The following TKTL1 variants were observed in gnomAD, a reference collection of about 807,000 sequenced individuals.
TKTL1 encodes transketolase like 1, also known as transketolase-like protein 1.
In TKTL1, 1 loss-of-function variant was observed where a neutral mutation model predicts 39.3. That is an observed-to-expected ratio of 0.03 (90% confidence interval 0.01 to 0.12). TKTL1 has a LOEUF of 0.12. TKTL1 is among the 10% of genes least tolerant of loss of function. The pLI is 1.00. For synonymous variants in TKTL1, 262 were observed against 193.8 expected (o/e 1.35, Z -2.92); for missense variants, 575 against 509.6 (o/e 1.13, Z -1.24).
intron 7 of TKTL1, among the ~76,000 whole-genome samples, chrX:154,319,903 C>T (rs781969383): frequency 8.9e-6 from 1 of 111,966 alleles, no homozygotes; most frequent in African/African-American, 3.2e-5. Flanking sequence ...TAGTTTGAAG[C>T]CTTCTGGGGT....
chrX:154,328,545 CAAAAAAAAAAAAAAAAAAAAAAAAAAA>C (rs59136064), intron 12 of TKTL1, among the ~76,000 whole-genome samples: 169 of 15,316 alleles, frequency 0.011, 4 homozygotes, highest in Admixed American at 0.019. Context: ...GACTCTGCCT[CAAAAAAAAAAAAAAAAAAAAAAAAAAA>C]AAAAAAAAAA....
intron 9 of TKTL1, among the ~76,000 whole-genome samples, chrX:154,324,625 G>T (rs1339047287): frequency 9.0e-6 from 1 of 111,576 alleles, no homozygotes; most frequent in Non-Finnish European, 1.9e-5. Context: ...TCTGCTGGCG[G>T]AAGCGCTGCT....
intron 1 of TKTL1, among the ~76,000 whole-genome samples, chrX:154,303,039 C>G (rs1442938125): frequency 9.0e-6 from 1 of 110,879 alleles, no homozygotes; most frequent in African/African-American, 3.3e-5. Flanking sequence ...GGCAACTCAC[C>G]CTGGCAGGCT....
Position 154,311,186 on chromosome X carries a change from G to C in TKTL1, c.618G>C (p.Lys206Asn), listed in dbSNP as rs1214935929. The C allele has an allele frequency of 3.3e-6, 4 of 1,212,147 alleles. No individual in the cohort carries two copies. The highest frequency in any genetic ancestry group is 4.5e-6 in the Non-Finnish European group (4 of 895,607). Residue 206 changes from lysine to asparagine, a missense_variant, in exon 5 of 13, where the codon AAG becomes AAC. Transcript: ENST00000369915. ...TATTCTGGCAGGCTTCTCAGGTGAA[G>C]CACAAGCCCACTGCTGTGGTGGCCA... ...CQVFWQASQV[K>N]HKPTAVVAKT...
In TKTL1 at chrX:154,327,833, C is replaced by T. The variant is rs781897294; in HGVS notation, c.1499-6C>T. On this transcript the variant is annotated splice_region_variant and splice_polypyrimidine_tract_variant and intron_variant, in intron 11 of 12. Coordinates refer to ENST00000369915, the MANE Select transcript of TKTL1 (RefSeq NM_012253.4). ...TTGTACCAAGCTGGTTTTTGCTGTTCTGCAGATATTTTTATCCGTGTCATC... is the reference window on the plus strand; with the variant it reads ...TTGTACCAAGCTGGTTTTTGCTGTTTTGCAGATATTTTTATCCGTGTCATC... 1.6e-4 allele frequency: 192 copies of T among 1,209,719 alleles called. No individual in the cohort carries two copies. Among genetic ancestry groups the T allele is most frequent in the Middle Eastern group, 2.3e-4 (1 of 4,373 alleles).
chrX:154,296,617 A>G (rs1188793630), intron 1 of TKTL1, among the ~76,000 whole-genome samples: 2 of 111,536 alleles, frequency 1.8e-5, no homozygotes, highest in East Asian at 2.8e-4. Context: ...TGGTTTTTGC[A>G]TCAGTTTGAG....
chrX:154,298,776 C>T (rs967624929), intron 1 of TKTL1, among the ~76,000 whole-genome samples: 3 of 108,515 alleles, frequency 2.8e-5, no homozygotes, highest in Admixed American at 9.9e-5. Flanking sequence ...TTTTTTATTT[C>T]CTTTCTCCTG....
intron 12 of TKTL1, among the ~76,000 whole-genome samples, chrX:154,328,604 C>A: frequency 1.1e-5 from 1 of 87,081 alleles, no homozygotes; most frequent in African/African-American, 4.1e-5. Context: ...TGTGCCCCGA[C>A]GAAAGCAGGT....
In TKTL1 at chrX:154,295,864, C is replaced by T. The variant is rs782095901; in HGVS notation, c.5C>T (p.Ala2Val). 29 of 1,208,811 alleles carry T rather than the reference C, an allele frequency of 2.4e-5. 1 individual carries two copies. The highest frequency in any genetic ancestry group is 7.0e-5 in the African/African-American group (4 of 57,269). The change falls in exon 1 of 13, where the codon GCG becomes GTG. Residue 2 changes from alanine to valine, a missense_variant. Transcript: ENST00000369915. ...GACTCCAAAGGGGTTGGACTAATGG[C>T]GGATGCTGAGGCGAGGGCTGAGTTC... M[A>V]DAEARAEFPE... is the part of the protein sequence containing the mutation.
intron 7 of TKTL1, among the ~76,000 whole-genome samples, chrX:154,316,832 C>T (rs1331658235): frequency 1.9e-5 from 2 of 106,955 alleles, no homozygotes; most frequent in African/African-American, 3.4e-5. Flanking sequence ...TGCAGTGGCA[C>T]GATCACAGCT....
At chrX:154,315,036 T>G in intron 6 of TKTL1, 137 bp from the exon 7 acceptor site, 1 of 674,236 alleles carries the variant, frequency 1.5e-6, no homozygotes, top group Non-Finnish European at 2.2e-6. Flanking sequence ...TAAAGGAAAT[T>G]TTTGGTGAGT....
At chrX:154,315,455 T>G (rs1276879609) in intron 7 of TKTL1, 118 bp downstream of exon 7, 1 of 828,568 alleles carries the variant, frequency 1.2e-6, no homozygotes, top group Non-Finnish European at 1.7e-6. Context: ...GAAAAAAATT[T>G]CCTGGGAAGC....
chrX:154,304,358 C>T (rs782231570), intron 1 of TKTL1, among the ~76,000 whole-genome samples: 5 of 111,390 alleles, frequency 4.5e-5, no homozygotes, highest in African/African-American at 1.3e-4. Flanking sequence ...TGGGCTCTGC[C>T]ATCAGCACCC....
chrX:154,306,983 G>T (rs936346556), intron 2 of TKTL1, among the ~76,000 whole-genome samples: 4 of 110,952 alleles, frequency 3.6e-5, no homozygotes, highest in Non-Finnish European at 7.6e-5. Context: ...CGCAATATGG[G>T]TGTTTAGATT....
intron 8 of TKTL1, among the ~76,000 whole-genome samples, chrX:154,322,779 A>G (rs2067461935): frequency 1.8e-5 from 2 of 111,810 alleles, no homozygotes; most frequent in Admixed American, 1.9e-4. Context: ...GGCCTGGAGA[A>G]ATGAAAAAGA....
At chrX:154,299,344 G>A (rs929664058) in intron 1 of TKTL1, among the ~76,000 whole-genome samples, 50 of 107,687 alleles carry the variant, frequency 4.6e-4, no homozygotes, top group African/African-American at 1.7e-3. Flanking sequence ...TAGTAGAGAC[G>A]GTGTTTCTCC....
intron 5 of TKTL1, 49 bp from the exon 6 acceptor site, chrX:154,312,531 A>G: frequency 8.7e-7 from 1 of 1,152,036 alleles, no homozygotes; most frequent in Admixed American, 2.4e-5. Flanking sequence ...CCTCATAGGC[A>G]CTCACTAAAT....
In TKTL1 at chrX:154,329,596, C is replaced by T. The variant is rs782002162; in HGVS notation, c.1699C>T (p.Pro567Ser). Residue 567 changes from proline (P) to serine (S), a missense_variant, in exon 13 of 13, where the codon CCC (proline) becomes TCC (serine). By Grantham distance (74) the Pro-to-Ser change is moderately conservative (BLOSUM62 -1). Coordinates refer to ENST00000369915, the MANE Select transcript of TKTL1 (RefSeq NM_012253.4). Reference protein sequence around the residue: ...QVHSLAVSGVPQSGKSEELLD... With the variant: ...QVHSLAVSGVSQSGKSEELLD... ...TCATTCGCTGGCAGTGTCGGGAGTG[C>T]CCCAGAGTGGGAAGTCCGAGGAATT... 1 of 1,211,652 alleles carries T rather than the reference C, an allele frequency of 8.3e-7. No homozygotes were observed.
In TKTL1 at chrX:154,311,189, C is replaced by G. The variant is rs2067354768; in HGVS notation, c.621C>G (p.His207Gln). The G allele has an allele frequency of 9.1e-6, 11 of 1,212,061 alleles. No homozygotes were observed. The highest frequency in any genetic ancestry group is 1.2e-5 in the Non-Finnish European group (11 of 895,548). ...TCTGGCAGGCTTCTCAGGTGAAGCA[C>G]AAGCCCACTGCTGTGGTGGCCAAGA... ...QVFWQASQVK[H>Q]KPTAVVAKTF... The change falls in exon 5 of 13, where the codon CAC becomes CAG. Residue 207 changes from histidine to glutamine, a missense_variant. Coordinates refer to ENST00000369915, the MANE Select transcript of TKTL1 (RefSeq NM_012253.4).
Sources: gnomAD v4.1 joint callset for allele counts (sites outside exome capture counted in the v4.1 genomes callset) on GRCh38, gnomAD v4.1.1 for gene constraint, MANE v1.5 for transcripts, NCBI Gene and HGNC (gene_info 2026-07-23, HGNC 2026-07-21) for gene names.